Variants in GALNTL5 observed in about 807,000 individuals in gnomAD.
GALNTL5 encodes the protein inactive polypeptide N-acetylgalactosaminyltransferase-like protein 5.
A neutral mutation model predicts 51.0 loss-of-function variants in GALNTL5; 44 were observed. The ratio of observed to expected loss-of-function variants is 0.86; its 90% CI spans 0.68 to 1.11. The LOEUF is 1.11. GALNTL5 is among the 50% of genes least tolerant of loss of function. GALNTL5 has a pLI of 0.00. For missense variants in GALNTL5, 528 were observed against 531.8 expected (o/e 0.99, Z 0.07); for synonymous variants, 192 against 182.8 (o/e 1.05, Z -0.41).
chr7:152,018,222 T>C (rs2081844147), intron 8 of GALNTL5, among the ~76,000 whole-genome samples: 1 of 152,228 alleles, frequency 6.6e-6, no homozygotes, highest in Non-Finnish European at 1.5e-5. Context: ...AGACATGAAC[T>C]TGCTGGGGCA....
chr7:151,982,151 G>A lies in GALNTL5; in HGVS notation c.369-835G>A, dbSNP rs961555388. ...TCTGGGGCCAGGGACATTGGCTCAT[G>A]CCTGTAATCCCAACACTTTGGGAGG... On this transcript the variant is annotated intron_variant, in intron 3 of 8. Coordinates refer to ENST00000392800, the MANE Select transcript of GALNTL5 (RefSeq NM_145292.4). Among the ~76,000 whole-genome samples, 10 of 152,164 alleles carry A rather than the reference G, an allele frequency of 6.6e-5. No individual in the cohort carries two copies. In the South Asian group the frequency reaches 1.5e-3, roughly 22 times the overall value.
chr7:151,990,580 C>CAATAAAAAAAAAAAA (rs2081415611), intron 5 of GALNTL5, among the ~76,000 whole-genome samples: 1 of 21,658 alleles, frequency 4.6e-5, no homozygotes, highest in African/African-American at 1.7e-4. Flanking sequence ...GACTCCATCT[C>CAATAAAAAAAAAAAA]AAAAAAAAAA....
chr7:152,003,949 A>G (rs903240873), intron 6 of GALNTL5, among the ~76,000 whole-genome samples: 3 of 152,190 alleles, frequency 2.0e-5, no homozygotes, highest in African/African-American at 7.2e-5. Context: ...GCTCGTGTGT[A>G]TATACATTGG....
At chr7:152,003,039 A>G in intron 6 of GALNTL5, 76 bp downstream of exon 6, 2 of 1,306,622 alleles carry the variant, frequency 1.5e-6, no homozygotes, top group Non-Finnish European at 1.1e-6. Flanking sequence ...TCCAGAGATT[A>G]TTCTTTCAAG....
chr7:151,967,397 A>G lies in GALNTL5; in HGVS notation c.151A>G (p.Lys51Glu), dbSNP rs766072652. The change falls in exon 2 of 9, where the codon AAA (lysine) becomes GAA (glutamate). Residue 51 changes from lysine (K) to glutamate (E), a missense_variant. Coordinates refer to ENST00000392800, the MANE Select transcript of GALNTL5 (RefSeq NM_145292.4). Reference sequence around the variant, plus strand: ...TCTGTCAGCTTGGTCCCCTGGAAAAAAAGTGCATCAGCAAATTATCTATGG... The same window carrying G: ...TCTGTCAGCTTGGTCCCCTGGAAAAGAAGTGCATCAGCAAATTATCTATGG... ...EPLSAWSPGK[K>E]VHQQIIYGSE... 2.5e-6 allele frequency: 4 copies of G among 1,614,168 alleles called. No individual in the cohort carries two copies. Among genetic ancestry groups the G allele is most frequent in the Non-Finnish European group, 3.4e-6 (4 of 1,180,032 alleles).
intron 5 of GALNTL5, among the ~76,000 whole-genome samples, chr7:151,998,274 C>T (rs1554408942): frequency 6.6e-6 from 1 of 151,904 alleles, no homozygotes; most frequent in South Asian, 2.1e-4. Context: ...TAGATTAATA[C>T]TTGCCTGTTT....
At chr7:151,972,296 G>T (rs1287795425) in intron 3 of GALNTL5, among the ~76,000 whole-genome samples, 1 of 152,178 alleles carries the variant, frequency 6.6e-6, no homozygotes, top group African/African-American at 2.4e-5. Flanking sequence ...CAAAGAGACT[G>T]GTGGCATTTT....
At chr7:152,005,591 T>G (rs975929247) in intron 6 of GALNTL5, among the ~76,000 whole-genome samples, 5 of 152,128 alleles carry the variant, frequency 3.3e-5, no homozygotes, top group African/African-American at 1.2e-4. Context: ...GTTGGATACA[T>G]GAGTCCCTTA....
intron 7 of GALNTL5, among the ~76,000 whole-genome samples, chr7:152,012,170 T>C (rs1363475729): frequency 1.3e-5 from 2 of 152,184 alleles, no homozygotes; most frequent in Non-Finnish European, 2.9e-5. Context: ...ATTGGCCAAA[T>C]GTGTCAAACA....
At chr7:152,015,497 C>G (rs542254207) in intron 8 of GALNTL5, among the ~76,000 whole-genome samples, 1 of 151,868 alleles carries the variant, frequency 6.6e-6, no homozygotes, top group Non-Finnish European at 1.5e-5. Flanking sequence ...GTAGCTGGGA[C>G]TACAGGCGCA....
intron 5 of GALNTL5, among the ~76,000 whole-genome samples, chr7:151,998,330 TA>T (rs34764187): frequency 0.26 from 38,924 of 151,684 alleles, 5,069 homozygotes; most frequent in Middle Eastern, 0.34. Context: ...GAAAAGGTGC[TA>T]AAAAAAAGTC....
At chr7:151,980,956 A>G (rs572506943) in intron 3 of GALNTL5, among the ~76,000 whole-genome samples, 54 of 151,920 alleles carry the variant, frequency 3.6e-4, no homozygotes, top group Admixed American at 5.9e-4. Context: ...CGTGTTAGCC[A>G]GGATGGTCTC....
chr7:152,012,837 T>G (rs1346567126), intron 7 of GALNTL5, among the ~76,000 whole-genome samples: 1 of 152,098 alleles, frequency 6.6e-6, no homozygotes, highest in East Asian at 1.9e-4. Context: ...TTTGGCAGTG[T>G]GTACCTGTAA....
At chr7:152,006,870 C>T (rs1450289075) in intron 6 of GALNTL5, among the ~76,000 whole-genome samples, 4 of 152,000 alleles carry the variant, frequency 2.6e-5, no homozygotes, top group South Asian at 4.1e-4. Context: ...CAGGTTCAAG[C>T]GATTCTCATG....
chr7:151,961,859 A>C (rs2080995555), intron 1 of GALNTL5, among the ~76,000 whole-genome samples: 2 of 152,128 alleles, frequency 1.3e-5, no homozygotes, highest in African/African-American at 4.8e-5. Context: ...TTTCAGTGTA[A>C]TGCATACATA....
At chr7:152,006,731 T>C (rs1563023548) in intron 6 of GALNTL5, among the ~76,000 whole-genome samples, 1 of 152,158 alleles carries the variant, frequency 6.6e-6, no homozygotes, top group Non-Finnish European at 1.5e-5. Flanking sequence ...AATAAATACT[T>C]ATTTGAACAA....
chr7:151,991,431 T>C (rs2151951394), intron 5 of GALNTL5, among the ~76,000 whole-genome samples: 1 of 152,256 alleles, frequency 6.6e-6, no homozygotes. Context: ...AAAAAAAAAT[T>C]GATTTTTACA....
rs756144776 is a variant in GALNTL5 at position 152,014,747 on chromosome 7, C to T, written c.1130C>T (p.Thr377Ile). The change falls in exon 8 of 9, where the codon ACA (threonine) becomes ATA (isoleucine). Residue 377 changes from threonine (T) to isoleucine (I), a missense_variant. Physicochemically the swap from Thr to Ile is moderately conservative, Grantham distance 89. Transcript: ENST00000392800. ...CCTTCTACAATCATCAGTGCTATGACACATAACTACCTAAGACTGGTGCAC... is the reference window on the plus strand; with the variant it reads ...CCTTCTACAATCATCAGTGCTATGATACATAACTACCTAAGACTGGTGCAC... ...GKPSTIISAM[T>I]HNYLRLVHVW... is the part of the protein sequence containing the mutation. The T allele has an allele frequency of 6.2e-7, 1 of 1,613,800 alleles. No individual in the cohort carries two copies. The highest frequency in any genetic ancestry group is 8.5e-7 in the Non-Finnish European group (1 of 1,179,864).
chr7:151,994,078 G>A (rs1026643921), intron 5 of GALNTL5, among the ~76,000 whole-genome samples: 12 of 152,156 alleles, frequency 7.9e-5, no homozygotes, highest in African/African-American at 2.9e-4. Flanking sequence ...AGCTATGACT[G>A]TGGATGTGTG....
Sources: gnomAD v4.1 joint callset for allele counts (sites outside exome capture counted in the v4.1 genomes callset) on GRCh38, gnomAD v4.1.1 for gene constraint, MANE v1.5 for transcripts, NCBI Gene and HGNC (gene_info 2026-07-23, HGNC 2026-07-21) for gene names.